NBEA: variants seen among roughly 807,000 people sequenced by gnomAD.
The protein encoded by NBEA is neurobeachin.
Under a neutral mutation model 343.4 loss-of-function variants are expected in NBEA, and 44 were observed. That is an observed-to-expected ratio of 0.13 (90% CI 0.10 to 0.16). The LOEUF (loss-of-function observed/expected upper bound fraction) is 0.16, where lower values mean the gene tolerates loss of function less well. Ranked by LOEUF, NBEA falls within the 10% of genes least tolerant of loss-of-function variation. NBEA has a pLI of 1.00. For synonymous variants in NBEA, 1,175 were observed against 1,238.7 expected, an observed-to-expected ratio of 0.95 and a Z score of 1.08; for missense variants, 2,555 against 3,631.3, an observed-to-expected ratio of 0.70 and a Z score of 7.62.
At chr13:34,954,890 G>T (rs1329194451) in intron 1 of NBEA, among the ~76,000 whole-genome samples, 1 of 152,094 alleles carries the variant, frequency 6.6e-6, no homozygotes, top group African/African-American at 2.4e-5. Context: ...ATCCCCTATT[G>T]GTTGAATCTA....
intron 40 of NBEA, 84 bp from the exon 41 acceptor site, chr13:35,472,316 A>G (rs2075687308): frequency 6.8e-7 from 1 of 1,477,272 alleles, no homozygotes; most frequent in South Asian, 1.3e-5. Context: ...CATCCTTACC[A>G]ATAAAAACCT....
At position 35,575,380 on chromosome 13, in the gene NBEA, A is replaced by G. The variant is rs118106554; in HGVS notation, c.7035+8363A>G. 9.8e-3 allele frequency among the ~76,000 whole-genome samples: 1,493 copies of G among 152,302 alleles called. 10 individuals are homozygous for G. Among genetic ancestry groups the G allele is most frequent in the Middle Eastern group, 0.024 (7 of 294 alleles). ...AGAGAAACAAATTTTCAAGTCATTT[A>G]AAGCATTCTTATTTAGAACAACCCA... On this transcript the variant is annotated intron_variant, in intron 45 of 58. Transcript: ENST00000379939.
At chr13:35,110,685 C>T (rs2066158844) in intron 12 of NBEA, 125 bp from the exon 13 acceptor site, 11 of 578,018 alleles carry the variant, frequency 1.9e-5, no homozygotes, top group East Asian at 3.4e-5. Flanking sequence ...TATTTTTAAC[C>T]TCATAATAAA....
chr13:35,267,050 G>T (rs1475351562), intron 34 of NBEA, among the ~76,000 whole-genome samples: 2 of 151,960 alleles, frequency 1.3e-5, no homozygotes, highest in Non-Finnish European at 2.9e-5. Context: ...TATCCATTAA[G>T]TGGAAGTGGA....
At chr13:35,477,801 T>C (rs576998059) in intron 41 of NBEA, among the ~76,000 whole-genome samples, 1 of 152,302 alleles carries the variant, frequency 6.6e-6, no homozygotes, top group South Asian at 2.1e-4. Context: ...TCTGGGGGGT[T>C]TTTTGGATTT....
At chr13:35,182,275 G>T in intron 28 of NBEA, 85 bp from the exon 29 acceptor site, 1 of 1,215,464 alleles carries the variant, frequency 8.2e-7, no homozygotes, top group East Asian at 2.8e-5. Flanking sequence ...CCTCCATAAA[G>T]ATAATAAAAT....
chr13:35,267,714 C>T (rs1167666435), intron 34 of NBEA, among the ~76,000 whole-genome samples: 1 of 150,502 alleles, frequency 6.6e-6, no homozygotes, highest in East Asian at 1.9e-4. Context: ...CAAAAAAGTA[C>T]ATACAAATGG....
chr13:35,071,017 A>ATCT, intron 10 of NBEA, 165 bp downstream of exon 10: 1 of 599,498 alleles, frequency 1.7e-6, no homozygotes, highest in Non-Finnish European at 2.5e-6. Context: ...TACAATAAAT[A>ATCT]AAGAAAACGC....
chr13:35,068,524 G>A (rs1277796037), intron 8 of NBEA, among the ~76,000 whole-genome samples: 1 of 152,048 alleles, frequency 6.6e-6, no homozygotes, highest in East Asian at 1.9e-4. Flanking sequence ...ATGCAGGTAT[G>A]CTGAGTTCTT....
intron 39 of NBEA, among the ~76,000 whole-genome samples, chr13:35,448,430 C>T (rs118082613): frequency 0.03 from 4,558 of 152,196 alleles, 107 homozygotes; most frequent in Non-Finnish European, 0.045. Context: ...ATATATTCTC[C>T]GGCTTGCCCC....
At chr13:35,365,811 TAAC>T (rs2041073870) in intron 38 of NBEA, among the ~76,000 whole-genome samples, 1 of 151,726 alleles carries the variant, frequency 6.6e-6, no homozygotes, top group South Asian at 2.1e-4. Context: ...CCTTTTTTTA[TAAC>T]AACATATATT....
At chr13:35,432,677 A>G (rs1440807281) in intron 39 of NBEA, among the ~76,000 whole-genome samples, 1 of 152,022 alleles carries the variant, frequency 6.6e-6, no homozygotes, top group African/African-American at 2.4e-5. Flanking sequence ...TCCTAACACA[A>G]GAATAAAATC....
intron 17 of NBEA, among the ~76,000 whole-genome samples, chr13:35,137,035 C>G (rs2067771798): frequency 6.6e-6 from 1 of 152,176 alleles, no homozygotes; most frequent in Non-Finnish European, 1.5e-5. Flanking sequence ...TGGTAATTAT[C>G]TGTCTTTAAT....
intron 17 of NBEA, among the ~76,000 whole-genome samples, chr13:35,124,823 G>GATATAT (rs146776547): frequency 6.7e-6 from 1 of 149,712 alleles, no homozygotes; most frequent in Admixed American, 6.7e-5. Context: ...CACACATATG[G>GATATAT]ATATATATAT....
intron 34 of NBEA, among the ~76,000 whole-genome samples, chr13:35,250,768 ATAT>A (rs1440711370): frequency 6.6e-6 from 1 of 152,238 alleles, no homozygotes; most frequent in Non-Finnish European, 1.5e-5. Context: ...ACCTAAATGT[ATAT>A]TAAAAGAAAA....
intron 33 of NBEA, among the ~76,000 whole-genome samples, chr13:35,213,676 T>A (rs1893360916): frequency 6.6e-6 from 1 of 151,906 alleles, no homozygotes; most frequent in African/African-American, 2.4e-5. Context: ...CTAAATTGAT[T>A]TATTCTTAGG....
At chr13:35,186,671 T>A (rs1393636083) in intron 30 of NBEA, 1 of 152,194 alleles carries the variant, frequency 6.6e-6, no homozygotes. Flanking sequence ...AGCAAAAAGC[T>A]CATTGTCAAC....
intron 1 of NBEA, among the ~76,000 whole-genome samples, chr13:34,996,490 A>C (rs1213382143): frequency 6.6e-6 from 1 of 151,494 alleles, no homozygotes; most frequent in African/African-American, 2.4e-5. Context: ...GTATATATAT[A>C]ATTGTCAACA....
At chr13:34,981,392 A>C (rs930773154) in intron 1 of NBEA, among the ~76,000 whole-genome samples, 1 of 152,234 alleles carries the variant, frequency 6.6e-6, no homozygotes, top group African/African-American at 2.4e-5. Context: ...ATTTTCATAG[A>C]TACCTAGAAG....
Sources: gnomAD v4.1 joint callset for allele counts (sites outside exome capture counted in the v4.1 genomes callset) on GRCh38, gnomAD v4.1.1 for gene constraint, MANE v1.5 for transcripts, NCBI Gene and HGNC (gene_info 2026-07-23, HGNC 2026-07-21) for gene names.